IQSEC1: variants seen among roughly 807,000 people sequenced by gnomAD.
IQSEC1 encodes the protein IQ motif and SEC7 domain-containing protein 1.
IQSEC1 carries 31 observed loss-of-function variants against 91.0 expected under a neutral mutation model. The observed-to-expected ratio is 0.34, with a 90% CI of 0.26 to 0.46. The LOEUF (loss-of-function observed/expected upper bound fraction) is 0.46, where lower values mean the gene tolerates loss of function less well. Ranked by LOEUF, IQSEC1 falls within the 20% of genes least tolerant of loss-of-function variation. The pLI, the probability that IQSEC1 is intolerant of heterozygous loss-of-function variation, is 1.00. For synonymous variants in IQSEC1, 699 were observed against 662.6 expected, an observed-to-expected ratio of 1.05 and a Z score of -0.84; for missense variants, 1,388 against 1,575.6, an observed-to-expected ratio of 0.88 and a Z score of 2.02.
At chr3:13,056,703 C>T (rs990015463) in intron 1 of IQSEC1, among the ~76,000 whole-genome samples, 8 of 152,252 alleles carry the variant, frequency 5.3e-5, no homozygotes, top group Non-Finnish European at 7.4e-5. Flanking sequence ...CATTCTGAGC[C>T]CTCCCAACCT....
intron 1 of IQSEC1, among the ~76,000 whole-genome samples, chr3:13,188,593 C>A (rs997518219): frequency 2.6e-5 from 4 of 152,210 alleles, no homozygotes; most frequent in Non-Finnish European, 1.5e-5. Context: ...CGAGGCAAAC[C>A]CAGCTTTGAA....
At chr3:13,064,478 G>A (rs1705171320) in intron 1 of IQSEC1, among the ~76,000 whole-genome samples, 1 of 152,194 alleles carries the variant, frequency 6.6e-6, no homozygotes, top group Non-Finnish European at 1.5e-5. Context: ...CATGTTAATC[G>A]TGGGTGGGCC....
chr3:13,069,836 C>A (rs920538224), intron 1 of IQSEC1, among the ~76,000 whole-genome samples: 4 of 152,228 alleles, frequency 2.6e-5, no homozygotes, highest in African/African-American at 9.6e-5. Context: ...CATGAAGCTG[C>A]CAGTACAGCA....
rs1312865746 is a variant in IQSEC1 at position 12,909,252 on chromosome 3, TC to T, written c.2578+20del. On this transcript the variant is annotated intron_variant, in intron 11 of 13. Transcript: ENST00000613206. This position sits in a 1 kb window ranked among gnomAD's most constrained non-coding sequence, Gnocchi z 4.9. Reference sequence around the variant, plus strand: ...GAGTCTGGCAAGTCTCGGCCTTCTGTCCATGAGGCCTGGTACTCACACTCTA... The same window carrying T: ...GAGTCTGGCAAGTCTCGGCCTTCTGTCATGAGGCCTGGTACTCACACTCTA... The T allele has an allele frequency of 6.2e-7, 1 of 1,611,814 alleles. No homozygotes were observed. The highest frequency in any genetic ancestry group is 1.1e-5 in the South Asian group (1 of 90,996).
intron 1 of IQSEC1, among the ~76,000 whole-genome samples, chr3:13,266,203 G>A (rs1695487709): frequency 1.3e-5 from 2 of 152,174 alleles, no homozygotes; most frequent in Non-Finnish European, 2.9e-5. Flanking sequence ...CAGACTGCAT[G>A]CACCCACCAC....
chr3:13,151,678 C>G (rs1576273170), intron 2 of IQSEC1, among the ~76,000 whole-genome samples: 1 of 152,204 alleles, frequency 6.6e-6, no homozygotes, highest in Non-Finnish European at 1.5e-5. Flanking sequence ...AGAAAGAGTT[C>G]TCTTCAGCCG....
intron 1 of IQSEC1, among the ~76,000 whole-genome samples, chr3:13,048,742 C>T (rs1187714884): frequency 1.3e-5 from 2 of 152,238 alleles, no homozygotes; most frequent in Non-Finnish European, 2.9e-5. Context: ...ATTGTGGCCG[C>T]TGGTAGATCC....
intron 1 of IQSEC1, among the ~76,000 whole-genome samples, chr3:13,235,976 T>C (rs1365829078): frequency 6.6e-6 from 1 of 152,100 alleles, no homozygotes; most frequent in African/African-American, 2.4e-5. Flanking sequence ...TGTGGGACCC[T>C]CAGCAAGGAA....
chr3:13,173,505 G>A (rs541484260), intron 1 of IQSEC1, among the ~76,000 whole-genome samples: 24 of 152,354 alleles, frequency 1.6e-4, no homozygotes, highest in Non-Finnish European at 2.6e-4. Context: ...CCTGGAGGAA[G>A]GCATGGACCC....
intron 1 of IQSEC1, among the ~76,000 whole-genome samples, chr3:13,252,015 T>TC (rs889350564): frequency 2.6e-5 from 4 of 152,192 alleles, no homozygotes; most frequent in Non-Finnish European, 5.9e-5. Context: ...ATACTGTTTT[T>TC]CCCCGATTTT....
chr3:13,102,399 G>A (rs554125128), intron 2 of IQSEC1, among the ~76,000 whole-genome samples: 341 of 152,220 alleles, frequency 2.2e-3, no homozygotes, highest in Non-Finnish European at 3.6e-3. Flanking sequence ...CCATGTTGGG[G>A]CTGCCGGGGT....
intron 2 of IQSEC1, among the ~76,000 whole-genome samples, chr3:12,938,685 T>G (rs1401662558): frequency 6.6e-6 from 1 of 151,998 alleles, no homozygotes. Context: ...CTTTCTTCCC[T>G]CACTGTACTT....
intron 1 of IQSEC1, among the ~76,000 whole-genome samples, chr3:12,950,762 C>T (rs2125415682): frequency 6.6e-6 from 1 of 152,098 alleles, no homozygotes; most frequent in South Asian, 2.1e-4. Flanking sequence ...CCTGCCTCAG[C>T]CTCCCAAGTA....
At chr3:13,086,681 G>C (rs984788527) in intron 2 of IQSEC1, among the ~76,000 whole-genome samples, 8 of 152,102 alleles carry the variant, frequency 5.3e-5, no homozygotes, top group Non-Finnish European at 7.4e-5. Flanking sequence ...CTGCCTCAGG[G>C]CCTTTGCATC....
At position 12,922,035 on chromosome 3, in the gene IQSEC1, G is replaced by A. The variant is rs1312622662; in HGVS notation, c.1853+85C>T. On this transcript the variant is annotated intron_variant, in intron 5 of 13. Coordinates refer to ENST00000613206, the MANE Select transcript of IQSEC1 (RefSeq NM_001134382.3). This position sits in a 1 kb window ranked among gnomAD's most constrained non-coding sequence, Gnocchi z 5.1. ...GGCCCTGTCTAGGGATGGTGGGGAT[G>A]CAGTCTTTGGTCCATCCTCGGGCCC... 12 of 1,441,718 alleles carry A rather than the reference G, an allele frequency of 8.3e-6. No individual in the cohort carries two copies. In the Admixed American group the frequency reaches 2.3e-4, roughly 27 times the overall value. The allele number at this position is 1,441,718 out of a possible 1,614,324, so 89.3% of individuals were successfully genotyped here.
At chr3:13,025,329 G>A (rs1703572182) in intron 1 of IQSEC1, among the ~76,000 whole-genome samples, 1 of 152,272 alleles carries the variant, frequency 6.6e-6, no homozygotes, top group South Asian at 2.1e-4. Context: ...CGCTGGGGAT[G>A]AAGTCACTGC....
intron 2 of IQSEC1, 99 bp downstream of exon 2, chr3:12,941,472 C>G: frequency 8.0e-7 from 1 of 1,248,984 alleles, no homozygotes; most frequent in Non-Finnish European, 1.1e-6. Flanking sequence ...CAACTCAAGT[C>G]TATGGGAGAG....
rs1001714646 is a variant in IQSEC1 at position 12,915,796 on chromosome 3, T to TA, written c.2021-64dup. The TA allele has an allele frequency of 1.9e-6, 3 of 1,585,684 alleles. No homozygotes were observed. The Admixed American group carries it at 5.1e-5, about 27-fold the overall frequency. On this transcript the variant is annotated intron_variant, in intron 6 of 13. Coordinates refer to ENST00000613206, the MANE Select transcript of IQSEC1 (RefSeq NM_001134382.3). ...CAGGCTCACTCGATTTACCAGTTTC[T>TA]AAAGCAAATCAGAGGAGCGAACCTT... is the stretch of plus-strand genomic sequence containing the variant.
At chr3:13,202,402 C>G (rs1433113514) in intron 1 of IQSEC1, among the ~76,000 whole-genome samples, 1 of 152,194 alleles carries the variant, frequency 6.6e-6, no homozygotes, top group Admixed American at 6.5e-5. Flanking sequence ...GGAAGCAACC[C>G]AAGTGACCAT....
Sources: gnomAD v4.1 joint callset for allele counts (sites outside exome capture counted in the v4.1 genomes callset) on GRCh38, gnomAD v4.1.1 for gene constraint, Gnocchi (gnomAD v3.1) non-coding constraint, MANE v1.5 for transcripts, NCBI Gene and HGNC (gene_info 2026-07-23, HGNC 2026-07-21) for gene names.